The following DBX2 variants were observed in gnomAD, a reference collection of about 807,000 sequenced individuals.
DBX2 encodes the protein developing brain homeobox 2.
In DBX2, 16 loss-of-function variants were observed where a neutral mutation model predicts 17.7. That is an observed-to-expected ratio of 0.90 (90% CI 0.61 to 1.37). DBX2 has a LOEUF of 1.37. Among genes scored for constraint, DBX2 ranks in the 40% most tolerant of loss-of-function variants. The pLI, the probability that DBX2 is intolerant of heterozygous loss-of-function variation, is 0.00. For missense variants in DBX2, 538 were observed against 433.8 expected (o/e 1.24, Z -2.13); for synonymous variants, 255 against 183.8 (o/e 1.39, Z -3.13).
intron 1 of DBX2, among the ~76,000 whole-genome samples, chr12:45,046,961 A>G (rs1848632453): frequency 6.6e-6 from 1 of 152,236 alleles, no homozygotes; most frequent in Admixed American, 6.5e-5. Context: ...CAGCAGAAGA[A>G]TAGATTTAAT....
Position 45,050,827 on chromosome 12 carries a change from A to G in DBX2, c.101T>C (p.Leu34Pro), listed in dbSNP as rs370376414. Residue 34 changes from leucine (L) to proline (P), a missense_variant, in exon 1 of 4, where the codon CTG becomes CCG. Physicochemically the swap from Leu to Pro is moderately conservative, Grantham distance 98 (BLOSUM62 -3). Transcript: ENST00000332700. ...ATTCTCGATCAGGAAACTCTTGCCC[A>G]GGTTGCCAAAGCCGGGCGCAGCGGG... ...NLPAAPGFGNLGKSFLIENLL... is the reference protein window; with the variant it reads ...NLPAAPGFGNPGKSFLIENLL... The G allele has an allele frequency of 5.8e-6, 9 of 1,538,524 alleles. No individual in the cohort carries two copies. In the East Asian group the frequency reaches 7.7e-5, roughly 13 times the overall value.
intron 2 of DBX2, among the ~76,000 whole-genome samples, chr12:45,028,197 A>G (rs950097952): frequency 1.3e-5 from 2 of 152,216 alleles, no homozygotes; most frequent in African/African-American, 2.4e-5. Flanking sequence ...ATGACTGGAA[A>G]GAACACAGGA....
Position 45,050,721 on chromosome 12 carries a change from C to CGCGGTGGCCAGG in DBX2, c.195_206dup (p.Leu66_Ala69dup). 1 of 1,489,640 alleles carries CGCGGTGGCCAGG rather than the reference C, an allele frequency of 6.7e-7. No individual in the cohort carries two copies. The highest frequency in any genetic ancestry group is 8.9e-7 in the Non-Finnish European group (1 of 1,122,710). The allele number at this position is 1,489,640 out of a possible 1,614,324, so 92.3% of individuals were successfully genotyped here. On this transcript the variant is annotated inframe_insertion, in exon 1 of 4. Transcript: ENST00000332700. ...CAGGCAGGGGCCGGAGCTGCGCGCC[C>CGCGGTGGCCAGG]GCGGTGGCCAGGGCGGTCGCCGGGT...
At chr12:45,022,998 T>C (rs948139939) in intron 3 of DBX2, among the ~76,000 whole-genome samples, 4 of 152,224 alleles carry the variant, frequency 2.6e-5, no homozygotes, top group East Asian at 1.9e-4. Context: ...GGGATTATTA[T>C]AGTGTGTATT....
At chr12:45,046,241 A>G (rs1946499419) in intron 1 of DBX2, among the ~76,000 whole-genome samples, 1 of 152,172 alleles carries the variant, frequency 6.6e-6, no homozygotes, top group Non-Finnish European at 1.5e-5. Context: ...AAAAGTTATT[A>G]ATATGTTAGT....
chr12:45,018,967 G>T (rs888610706), intron 3 of DBX2, among the ~76,000 whole-genome samples: 16 of 151,884 alleles, frequency 1.1e-4, no homozygotes, highest in African/African-American at 3.1e-4. Context: ...AAGTAGAATA[G>T]TGGGTGCCAG....
chr12:45,043,387 C>G (rs1404001669), intron 1 of DBX2, among the ~76,000 whole-genome samples: 1 of 152,098 alleles, frequency 6.6e-6, no homozygotes, highest in Non-Finnish European at 1.5e-5. Flanking sequence ...CTTCATATGA[C>G]CTAGTATTGG....
intron 1 of DBX2, among the ~76,000 whole-genome samples, chr12:45,048,592 T>C (rs1404258305): frequency 2.0e-5 from 3 of 152,194 alleles, no homozygotes; most frequent in African/African-American, 7.2e-5. Flanking sequence ...ACCGGGGCAA[T>C]GTTCAGAAAA....
At chr12:45,019,435 G>T (rs970035958) in intron 3 of DBX2, among the ~76,000 whole-genome samples, 14 of 152,012 alleles carry the variant, frequency 9.2e-5, no homozygotes, top group Admixed American at 6.5e-4. Flanking sequence ...CATGAGAGTG[G>T]CAACATTTTT....
At chr12:45,033,942 T>C (rs965190229) in intron 2 of DBX2, among the ~76,000 whole-genome samples, 7 of 152,082 alleles carry the variant, frequency 4.6e-5, no homozygotes, top group Admixed American at 4.6e-4. Flanking sequence ...AAGACCTGCT[T>C]AAAGTAATTT....
intron 3 of DBX2, among the ~76,000 whole-genome samples, chr12:45,018,101 C>T (rs1946332600): frequency 6.6e-6 from 1 of 152,154 alleles, no homozygotes. Context: ...TAAGGCTTTT[C>T]ATACGAAAAC....
intron 1 of DBX2, among the ~76,000 whole-genome samples, 153 bp from the exon 2 acceptor site, chr12:45,036,267 A>T (rs1229743161): frequency 1.3e-5 from 2 of 152,230 alleles, no homozygotes; most frequent in Non-Finnish European, 2.9e-5. Flanking sequence ...TGTCTGTCAA[A>T]GAGCATGCCA....
At chr12:45,030,286 C>T (rs113485676) in intron 2 of DBX2, among the ~76,000 whole-genome samples, 1,551 of 152,286 alleles carry the variant, frequency 0.01, 30 homozygotes, top group African/African-American at 0.035. Context: ...AAACATCAGA[C>T]CAAGAGCAAA....
At chr12:45,049,930 A>G (rs1181915678) in intron 1 of DBX2, among the ~76,000 whole-genome samples, 2 of 152,190 alleles carry the variant, frequency 1.3e-5, no homozygotes, top group Non-Finnish European at 2.9e-5. Flanking sequence ...GCACAAATAA[A>G]AAGTCGGCCT....
chr12:45,023,824 T>C lies in DBX2; in HGVS notation c.570A>G (p.Arg190=). 6.2e-7 allele frequency: 1 copy of C among 1,610,862 alleles called. No homozygotes were observed. ...TTCTCTGGTCCTCAGAAAAGACAGC[T>C]CTTCTTAAAATGCCCCTCCGAGCTT... is the stretch of plus-strand genomic sequence containing the variant. ...NSKARRGILR[R]AVFSEDQRKA... is the part of the protein sequence containing the mutation. The change falls in exon 3 of 4, where the codon AGA becomes AGG. Residue 190 remains arginine (R), a synonymous_variant. Transcript: ENST00000332700.
chr12:45,023,680 A>G, intron 3 of DBX2, 27 bp downstream of exon 3: 1 of 1,613,398 alleles, frequency 6.2e-7, no homozygotes, highest in Non-Finnish European at 8.5e-7. Flanking sequence ...AATCAGAGGC[A>G]GTAGACATCT....
intron 2 of DBX2, among the ~76,000 whole-genome samples, chr12:45,031,223 T>A (rs201764755): frequency 0.074 from 3,239 of 43,740 alleles, 39 homozygotes; most frequent in Non-Finnish European, 0.11. Context: ...TGTGTGTGTG[T>A]GTGAGAGAGA....
intron 2 of DBX2, among the ~76,000 whole-genome samples, chr12:45,026,336 A>C (rs1193141937): frequency 6.6e-6 from 1 of 152,204 alleles, no homozygotes; most frequent in Non-Finnish European, 1.5e-5. Context: ...ACATAATAAT[A>C]AACATACACT....
chr12:45,017,893 G>T (rs1339626432), intron 3 of DBX2, among the ~76,000 whole-genome samples: 1 of 152,060 alleles, frequency 6.6e-6, no homozygotes, highest in Non-Finnish European at 1.5e-5. Context: ...TTTACCCAAA[G>T]AAATAATTAT....
Sources: allele counts gnomAD v4.1 joint callset (sites outside exome capture counted in the v4.1 genomes callset), GRCh38; gene constraint gnomAD v4.1.1; transcripts MANE v1.5; gene names NCBI Gene and HGNC (gene_info 2026-07-23, HGNC 2026-07-21).